Variants in DMBT1 observed in about 807,000 individuals in gnomAD.
The protein encoded by DMBT1 is scavenger receptor cysteine-rich domain-containing protein DMBT1.
A neutral mutation model predicts 252.9 loss-of-function variants in DMBT1; 198 were observed. The observed-to-expected ratio is 0.78, with a 90% CI of 0.70 to 0.88. DMBT1 has a LOEUF of 0.88. DMBT1 is among the 40% of genes least tolerant of loss of function. DMBT1 has a pLI of 0.00. For synonymous variants in DMBT1, 990 were observed against 942.7 expected, an observed-to-expected ratio of 1.05 and a Z score of -0.92; for missense variants, 2,432 against 2,404.7, an observed-to-expected ratio of 1.01 and a Z score of -0.24.
chr10:122,566,131 G>A lies in DMBT1; in HGVS notation c.91+135G>A, dbSNP rs890785891. On this transcript the variant is annotated intron_variant, in intron 2 of 55. Coordinates refer to ENST00000338354, the MANE Select transcript of DMBT1 (RefSeq NM_001377530.1). ...CTTGTCGAATGCAGGAATGCCGGGG[G>A]GACAGGAGACGTGCGTGCCAAGACC... is the stretch of plus-strand genomic sequence containing the variant. The A allele has an allele frequency of 3.3e-5, 30 of 916,698 alleles. No homozygotes were observed. In the African/African-American group the frequency reaches 3.6e-4, roughly 11 times the overall value. 56.8% of individuals were successfully genotyped at this position (916,698 alleles called of 1,614,324 possible).
chr10:122,570,067 G>A (rs11524820), intron 2 of DMBT1, 95 bp from the exon 3 acceptor site: 759,601 of 1,137,550 alleles, frequency 0.67, 256,502 homozygotes, highest in Admixed American at 0.81. Context: ...TTAGGCCCTG[G>A]CTTCCAGTTC....
At chr10:122,634,431 T>C (rs866838581) in intron 52 of DMBT1, among the ~76,000 whole-genome samples, 11 of 26,718 alleles carry the variant, frequency 4.1e-4, no homozygotes, top group African/African-American at 9.1e-4. Context: ...CTCTCTCTCT[T>C]CTCTCTCTCT....
In DMBT1 at chr10:122,621,151, G is replaced by T; in HGVS notation, c.5379G>T (p.Val1793=). The T allele has an allele frequency of 1.2e-6, 2 of 1,613,862 alleles. No homozygotes were observed. Among genetic ancestry groups the T allele is most frequent in the Non-Finnish European group, 8.5e-7 (1 of 1,179,786 alleles). Reference sequence around the variant, plus strand: ...TGTATCGAGGCTCCTGGGGAACCGTGTGTGATGACAGCTGGGACACCAATG... The same window carrying T: ...TGTATCGAGGCTCCTGGGGAACCGTTTGTGATGACAGCTGGGACACCAATG... ...EVLYRGSWGT[V]CDDSWDTNDA... The change falls in exon 44 of 56, where the codon GTG becomes GTT. Residue 1793 remains valine, a synonymous_variant. Transcript: ENST00000338354.
intron 50 of DMBT1, among the ~76,000 whole-genome samples, 155 bp downstream of exon 50, chr10:122,632,030 A>T (rs2098169242): frequency 6.6e-6 from 1 of 151,980 alleles, no homozygotes; most frequent in Non-Finnish European, 1.5e-5. Context: ...GGCCACCAGG[A>T]TAGTGTGCCC....
Position 122,586,154 on chromosome 10 carries a change from G to T in DMBT1, c.1554G>T (p.Val518=). 4 of 1,589,320 alleles carry T rather than the reference G, an allele frequency of 2.5e-6. No individual in the cohort carries two copies. The highest frequency in any genetic ancestry group is 2.6e-6 in the Non-Finnish European group (3 of 1,166,136). ...TATACCGAGGCTCCTGGGGCACCGTGTGTGATGACAGCTGGGACACCAATG... is the reference window on the plus strand; with the variant it reads ...TATACCGAGGCTCCTGGGGCACCGTTTGTGATGACAGCTGGGACACCAATG... ...EVLYRGSWGT[V]CDDSWDTNDA... Residue 518 remains valine, a synonymous_variant, in exon 16 of 56, where the codon GTG becomes GTT. Transcript: ENST00000338354.
At chr10:122,625,759 G>A (rs1384858133) in intron 45 of DMBT1, among the ~76,000 whole-genome samples, 174 bp from the exon 46 acceptor site, 1 of 152,216 alleles carries the variant, frequency 6.6e-6, no homozygotes, top group Non-Finnish European at 1.5e-5. Context: ...AAATATGTTG[G>A]GAGGTGCTAC....
intron 1 of DMBT1, among the ~76,000 whole-genome samples, chr10:122,564,999 G>A (rs1186319771): frequency 2.0e-5 from 3 of 151,340 alleles, no homozygotes; most frequent in Non-Finnish European, 2.9e-5. Context: ...TTCAATGAAA[G>A]CTAAAAACAG....
intron 52 of DMBT1, among the ~76,000 whole-genome samples, chr10:122,634,474 CTCTCTCTT>C (rs969837015): frequency 4.4e-5 from 3 of 68,138 alleles, no homozygotes; most frequent in Non-Finnish European, 5.0e-5. Context: ...CTCTCTCTCT[CTCTCTCTT>C]TCTCTCTTTT....
chr10:122,561,464 G>A (rs920692520), intron 1 of DMBT1, among the ~76,000 whole-genome samples: 3 of 152,076 alleles, frequency 2.0e-5, no homozygotes, highest in African/African-American at 4.8e-5. Context: ...GAGAGCCGTC[G>A]GTAGCGCACT....
In DMBT1 at chr10:122,600,028, T is replaced by C. The variant is rs771842876; in HGVS notation, c.3281-36T>C. On this transcript the variant is annotated intron_variant, in intron 26 of 55. Coordinates refer to ENST00000338354, the MANE Select transcript of DMBT1 (RefSeq NM_001377530.1). ...TTCCACTTTGCCGACTTCTGTGTAA[T>C]GTTCCTGATCTGACCTTCTCTTCTC... 19 of 1,607,606 alleles carry C rather than the reference T, an allele frequency of 1.2e-5. 1 individual carries two copies. The South Asian group carries it at 1.2e-4, about 10-fold the overall frequency.
At chr10:122,620,849 A>C (rs1166228078) in intron 43 of DMBT1, among the ~76,000 whole-genome samples, 1 of 152,184 alleles carries the variant, frequency 6.6e-6, no homozygotes, top group South Asian at 2.1e-4. Flanking sequence ...TGCTTCCCCA[A>C]TACTTGAGCT....
rs769319782 is a variant in DMBT1, at chr10:122,592,416, T to C, written c.2321T>C (p.Leu774Pro). ...GATGCCAATGTGGTCTGCAGGCAGC[T>C]GGGCTGTGGCTGGGCCACGTCGGCC... ...TNDANVVCRQ[L>P]GCGWATSAPG... is the part of the protein sequence containing the mutation. Residue 774 changes from leucine (L) to proline (P), a missense_variant, in exon 20 of 56, where the codon CTG becomes CCG. Transcript: ENST00000338354. The C allele has an allele frequency of 6.3e-7, 1 of 1,588,516 alleles. No individual in the cohort carries two copies. Among genetic ancestry groups the C allele is most frequent in the Non-Finnish European group, 8.6e-7 (1 of 1,165,854 alleles).
At chr10:122,562,613 C>T (rs918787226) in intron 1 of DMBT1, among the ~76,000 whole-genome samples, 4 of 152,250 alleles carry the variant, frequency 2.6e-5, no homozygotes, top group African/African-American at 9.6e-5. Flanking sequence ...TCACATCAGC[C>T]ACTGTAGACA....
chr10:122,630,623 C>A, intron 48 of DMBT1, 133 bp downstream of exon 48: 2 of 1,013,664 alleles, frequency 2.0e-6, no homozygotes, highest in Non-Finnish European at 2.9e-6. Context: ...TCTCTTGGCA[C>A]TGACTGTGTG....
At chr10:122,639,280 T>C (rs1433270330) in intron 54 of DMBT1, among the ~76,000 whole-genome samples, 2 of 152,196 alleles carry the variant, frequency 1.3e-5, no homozygotes, top group Admixed American at 1.3e-4. Flanking sequence ...GAGAGCATCT[T>C]TGAAAGAGTA....
At chr10:122,640,622 GC>G (rs1276417052) in intron 55 of DMBT1, among the ~76,000 whole-genome samples, 173 bp downstream of exon 55, 5 of 152,164 alleles carry the variant, frequency 3.3e-5, no homozygotes, top group Admixed American at 2.0e-4. Context: ...CCTTTGAGGT[GC>G]TTTTACTCTG....
At chr10:122,628,486 A>G (rs896275580) in intron 46 of DMBT1, among the ~76,000 whole-genome samples, 1 of 152,094 alleles carries the variant, frequency 6.6e-6, no homozygotes, top group African/African-American at 2.4e-5. Flanking sequence ...AAATACAAAA[A>G]TTAGCTGGGC....
chr10:122,569,794 A>G lies in DMBT1; in HGVS notation c.92-368A>G, dbSNP rs1182759532. Among the ~76,000 whole-genome samples the G allele has an allele frequency of 3.9e-5, 6 of 152,228 alleles. No individual in the cohort carries two copies. The East Asian group carries it at 1.2e-3, about 29-fold the overall frequency. On this transcript the variant is annotated intron_variant, in intron 2 of 55. Coordinates refer to ENST00000338354, the MANE Select transcript of DMBT1 (RefSeq NM_001377530.1). The stretch of plus-strand genomic sequence containing the variant: ...CTAGTTGAACCATCTTATCAGGAGT[A>G]TATCAGTGATGGTGAATGTTTGTCA...
rs544362037 is a variant in DMBT1, at chr10:122,576,438, A to G, written c.323A>G (p.Asp108Gly). Residue 108 changes from aspartate to glycine, a missense_variant, in exon 7 of 56, where the codon GAT becomes GGT. Around this residue, in one of 3 missense-constraint regions of DMBT1, gnomAD observed 1,264 missense variants for 1,082.2 expected, o/e 1.17. Transcript: ENST00000338354. ...SGLALRLVNG[D>G]GRCQGRVEIL... ...TTGGCCCTGAGGCTGGTGAATGGAG[A>G]TGGCAGGTGTCAGGGCCGAGTGGAG... 1.9e-4 allele frequency: 303 copies of G among 1,613,600 alleles called. 4 individuals carry two copies. In the South Asian group the frequency reaches 3.1e-3, roughly 16 times the overall value.
Sources: allele counts gnomAD v4.1 joint callset (sites outside exome capture counted in the v4.1 genomes callset), GRCh38; gene constraint gnomAD v4.1.1; regional missense constraint gnomAD v4.1.1; transcripts MANE v1.5; gene names NCBI Gene and HGNC (gene_info 2026-07-23, HGNC 2026-07-21).